Variants in DHX9 observed in about 807,000 individuals in gnomAD.
DHX9 encodes ATP-dependent RNA helicase A.
Under a neutral mutation model 148.7 loss-of-function variants are expected in DHX9, and 27 were observed. The observed-to-expected ratio is 0.18, with a 90% CI of 0.13 to 0.25. DHX9 has a LOEUF of 0.25. Ranked by LOEUF, DHX9 falls within the 10% of genes least tolerant of loss-of-function variation. The pLI is 1.00. For missense variants in DHX9, 796 were observed against 1,559.6 expected, an observed-to-expected ratio of 0.51 and a Z score of 8.25; for synonymous variants, 529 against 516.6, an observed-to-expected ratio of 1.02 and a Z score of -0.33.
rs1043338039 is a variant in DHX9 at position 182,849,865 on chromosome 1, C to T, written c.253-2368C>T. The stretch of plus-strand genomic sequence containing the variant: ...TTTGTTAATATATTAGCAATATTAA[C>T]TCCTTACCTGTGATGTGTCACAAAT... On this transcript the variant is annotated intron_variant, in intron 3 of 27. Transcript: ENST00000367549. 2.0e-5 allele frequency among the ~76,000 whole-genome samples: 3 copies of T among 151,638 alleles called. No individual in the cohort carries two copies. The East Asian group carries it at 5.8e-4, about 29-fold the overall frequency.
In DHX9 at chr1:182,842,626, C is replaced by T; in HGVS notation, c.60C>T (p.Ser20=). 1 of 1,613,596 alleles carries T rather than the reference C, an allele frequency of 6.2e-7. No individual in the cohort carries two copies. Among genetic ancestry groups the T allele is most frequent in the Non-Finnish European group, 8.5e-7 (1 of 1,179,706 alleles). The change falls in exon 2 of 28, where the codon TCC becomes TCT. Residue 20 remains serine, a synonymous_variant. Coordinates refer to ENST00000367549, the MANE Select transcript of DHX9 (RefSeq NM_001357.5). ...GTGGCAAAAGGAAGATGACCCCATC[C>T]TATGAAATTAGAGCAGTGGGGAACA... ...AWCGKRKMTP[S]YEIRAVGNKN...
intron 4 of DHX9, 21 bp from the exon 5 acceptor site, chr1:182,853,285 G>A (rs772832442): frequency 6.4e-7 from 1 of 1,558,456 alleles, no homozygotes; most frequent in Non-Finnish European, 8.8e-7. Context: ...CTCATTAAGA[G>A]AATTTTTTTT....
At chr1:182,857,353 ACTTT>A (rs1446101181) in intron 7 of DHX9, among the ~76,000 whole-genome samples, 2 of 152,146 alleles carry the variant, frequency 1.3e-5, no homozygotes, top group African/African-American at 4.8e-5. Context: ...AGGAGAGGAA[ACTTT>A]CTGTTAATAT....
chr1:182,875,941 A>T, intron 16 of DHX9, 109 bp from the exon 17 acceptor site: 1 of 828,762 alleles, frequency 1.2e-6, no homozygotes, highest in Non-Finnish European at 1.9e-6. Flanking sequence ...CTAGTCAACT[A>T]GAATAAATAA....
chr1:182,883,477 TG>T, intron 25 of DHX9, 42 bp from the exon 26 acceptor site: 2 of 1,590,278 alleles, frequency 1.3e-6, no homozygotes, highest in Middle Eastern at 1.7e-4. Flanking sequence ...ATTTGGAAGT[TG>T]GAATGTCAAC....
chr1:182,882,603 A>T (rs1016486695), intron 24 of DHX9, among the ~76,000 whole-genome samples: 2 of 152,126 alleles, frequency 1.3e-5, no homozygotes, highest in African/African-American at 4.8e-5. Flanking sequence ...GCAGTGGCTC[A>T]CACCTGTAAT....
rs59218081 is a variant in DHX9, at chr1:182,868,520, C to CTTTTTTTTTTTTTTTTTTTTTTTT, written c.1557+1491_1557+1492insTTTTTTTTTTTTTTTTTTTTTTTT. 6.9e-4 allele frequency among the ~76,000 whole-genome samples: 88 copies of CTTTTTTTTTTTTTTTTTTTTTTTT among 127,496 alleles called. 10 individuals are homozygous for CTTTTTTTTTTTTTTTTTTTTTTTT. Among genetic ancestry groups the CTTTTTTTTTTTTTTTTTTTTTTTT allele is most frequent in the African/African-American group, 3.1e-3 (87 of 27,846 alleles). 83.6% of individuals were successfully genotyped at this position (127,496 alleles called of 152,430 possible). A position where few individuals can be genotyped will look rare whatever the true frequency, so the allele number is the denominator to read the frequency against. On this transcript the variant is annotated intron_variant, in intron 14 of 27. Transcript: ENST00000367549. ...GATAATCTAACACTTATTTTAATTC[C>CTTTTTTTTTTTTTTTTTTTTTTTT]TTTTTTTTTTTTTTGAGGAGTCTTG...
chr1:182,882,726 G>A (rs558183713), intron 24 of DHX9, among the ~76,000 whole-genome samples: 29 of 152,182 alleles, frequency 1.9e-4, no homozygotes, highest in African/African-American at 6.7e-4. Context: ...TTAGCCGGGC[G>A]TGGTGGCGGG....
At chr1:182,875,288 G>A in intron 16 of DHX9, 2 of 438,834 alleles carry the variant, frequency 4.6e-6, no homozygotes, top group East Asian at 1.4e-4. Flanking sequence ...GCAGCATCTG[G>A]GAAACTGGTA....
At chr1:182,853,856 G>A (rs1402860411) in intron 5 of DHX9, among the ~76,000 whole-genome samples, 174 bp from the exon 6 acceptor site, 2 of 151,956 alleles carry the variant, frequency 1.3e-5, no homozygotes, top group East Asian at 3.9e-4. Context: ...ATATAATAGG[G>A]CCTTTAGATG....
chr1:182,878,182 C>G lies in DHX9; in HGVS notation c.2351+9C>G. 6.2e-7 allele frequency: 1 copy of G among 1,613,788 alleles called. No homozygotes were observed. Among genetic ancestry groups the G allele is most frequent in the East Asian group, 2.2e-5 (1 of 44,884 alleles). ...CGAGCTCGTTTTGAGAGGTAAGACC[C>G]ATTCTTGACCTTTAGTAAGGGATTT... On this transcript the variant is annotated intron_variant, in intron 20 of 27. Transcript: ENST00000367549.
In DHX9 at chr1:182,860,133, T is replaced by C. The variant is rs1668333809; in HGVS notation, c.1281T>C (p.Asp427=). 6.2e-7 allele frequency: 1 copy of C among 1,613,760 alleles called. No individual in the cohort carries two copies. Reference sequence around the variant, plus strand: ...CACAGGTTCCCCAGTTCATTCTAGATGACTTTATCCAGAATGACCGAGCAG... The same window carrying C: ...CACAGGTTCCCCAGTTCATTCTAGACGACTTTATCCAGAATGACCGAGCAG... The part of the protein sequence containing the change: ...KTTQVPQFIL[D]DFIQNDRAAE... The change falls in exon 12 of 28, where the codon GAT becomes GAC. Residue 427 remains aspartate (D), a synonymous_variant. Transcript: ENST00000367549.
chr1:182,878,471 C>T (rs1434876988), intron 20 of DHX9, among the ~76,000 whole-genome samples: 3 of 152,168 alleles, frequency 2.0e-5, no homozygotes, highest in Non-Finnish European at 4.4e-5. Context: ...AGTTACTTAA[C>T]CTCTCTTGTT....
At chr1:182,884,574 T>C (rs769391852) in intron 26 of DHX9, 39 bp from the exon 27 acceptor site, 12 of 1,568,190 alleles carry the variant, frequency 7.7e-6, no homozygotes, top group African/African-American at 4.1e-5. Flanking sequence ...TTTCTACATA[T>C]ACTCCCTCTC....
intron 11 of DHX9, 107 bp downstream of exon 11, chr1:182,859,224 CAAAA>C: frequency 1.1e-6 from 1 of 925,848 alleles, no homozygotes. Flanking sequence ...GAGGGCATAT[CAAAA>C]GATATGTACC....
chr1:182,883,459 A>G (rs1317444711), intron 25 of DHX9, 61 bp from the exon 26 acceptor site: 9 of 1,573,774 alleles, frequency 5.7e-6, no homozygotes, highest in South Asian at 1.1e-5. Flanking sequence ...AGCACAGTAT[A>G]TAGCGGTATT....
intron 6 of DHX9, among the ~76,000 whole-genome samples, chr1:182,854,551 AT>A (rs1668220684): frequency 6.6e-6 from 1 of 151,760 alleles, no homozygotes; most frequent in South Asian, 2.1e-4. Context: ...GGCAGTTACT[AT>A]TTCTTTAATG....
Position 182,852,464 on chromosome 1 carries a change from C to T in DHX9, c.364+120C>T, listed in dbSNP as rs1668172340. 8.2e-6 allele frequency: 5 copies of T among 609,926 alleles called. No homozygotes were observed. In the South Asian group the frequency reaches 1.4e-4, roughly 17 times the overall value. The allele number at this position is 609,926 out of a possible 1,614,324, so 37.8% of individuals were successfully genotyped here. A position where few individuals can be genotyped will look rare whatever the true frequency, so the allele number is the denominator to read the frequency against. On this transcript the variant is annotated intron_variant, in intron 4 of 27. Coordinates refer to ENST00000367549, the MANE Select transcript of DHX9 (RefSeq NM_001357.5). Reference sequence around the variant, plus strand: ...GTAAACTCTTGATGTTAAGAGACAACCCAAGGCCTTCATAAATTTGCACAT... The same window carrying T: ...GTAAACTCTTGATGTTAAGAGACAATCCAAGGCCTTCATAAATTTGCACAT...
chr1:182,858,888 G>A lies in DHX9; in HGVS notation c.1056G>A (p.Leu352=). 6.2e-7 allele frequency: 1 copy of A among 1,613,994 alleles called. No individual in the cohort carries two copies. The highest frequency in any genetic ancestry group is 8.5e-7 in the Non-Finnish European group (1 of 1,179,984). The stretch of plus-strand genomic sequence containing the variant: ...GTAGCAACATTGATGAGGGGCCTCT[G>A]GCTTTTGTGAGTGCAATATTGTTTT... ...WTSSNIDEGP[L]AFATPEQISM... is the part of the protein sequence containing the mutation. The change falls in exon 10 of 28, where the codon CTG becomes CTA. Residue 352 remains leucine (L), a synonymous_variant. Transcript: ENST00000367549.
Sources: gnomAD v4.1 joint callset for allele counts (sites outside exome capture counted in the v4.1 genomes callset) on GRCh38, gnomAD v4.1.1 for gene constraint, MANE v1.5 for transcripts, NCBI Gene and HGNC (gene_info 2026-07-23, HGNC 2026-07-21) for gene names.